FRMPD1: variants seen among roughly 807,000 people sequenced by gnomAD.
FRMPD1 encodes FERM and PDZ domain-containing protein 1.
FRMPD1 carries 76 observed loss-of-function variants against 117.8 expected under a neutral mutation model. That is an observed-to-expected ratio of 0.65 (90% confidence interval 0.54 to 0.78). FRMPD1 has a LOEUF of 0.78. FRMPD1 is among the 30% of genes least tolerant of loss of function. FRMPD1 has a pLI of 0.00. For missense variants in FRMPD1, 1,786 were observed against 1,964.5 expected, an observed-to-expected ratio of 0.91 and a Z score of 1.72; for synonymous variants, 783 against 770.4, an observed-to-expected ratio of 1.02 and a Z score of -0.27.
intron 5 of FRMPD1, among the ~76,000 whole-genome samples, chr9:37,716,709 C>T (rs528899046): frequency 2.4e-4 from 37 of 152,192 alleles, no homozygotes; most frequent in Non-Finnish European, 4.1e-4. Flanking sequence ...GCTTTGACCA[C>T]TCACTTTATC....
At chr9:37,705,770 G>C (rs1392433541) in intron 2 of FRMPD1, among the ~76,000 whole-genome samples, 1 of 151,976 alleles carries the variant, frequency 6.6e-6, no homozygotes, top group Non-Finnish European at 1.5e-5. Flanking sequence ...GAGCTCAGAA[G>C]ATTGAGACCA....
chr9:37,678,250 A>ATTTTTTTTTTT (rs1821597719), intron 1 of FRMPD1, among the ~76,000 whole-genome samples: 1 of 70,140 alleles, frequency 1.4e-5, no homozygotes, highest in African/African-American at 6.1e-5. Context: ...AGTACTTACC[A>ATTTTTTTTTTT]CTTTTTTTTT....
intron 1 of FRMPD1, among the ~76,000 whole-genome samples, chr9:37,664,718 C>T (rs1485214808): frequency 6.6e-6 from 1 of 152,116 alleles, no homozygotes; most frequent in Non-Finnish European, 1.5e-5. Flanking sequence ...AAAAACCTGA[C>T]TCTGGAATAA....
the FRMPD1 span, among the ~76,000 whole-genome samples, chr9:37,626,259 G>A: frequency 3.2e-3 from 493 of 152,188 alleles, no homozygotes; most frequent in Non-Finnish European, 5.4e-3. Flanking sequence ...AACCCCAGAG[G>A]CGGAGGCTGC....
chr9:37,740,637 C>G lies in FRMPD1; in HGVS notation c.2109C>G (p.His703Gln). 1 of 1,614,072 alleles carries G rather than the reference C, an allele frequency of 6.2e-7. No homozygotes were observed. The highest frequency in any genetic ancestry group is 8.5e-7 in the Non-Finnish European group (1 of 1,179,924). Residue 703 changes from histidine to glutamine, a missense_variant, in exon 15 of 16, where the codon CAC becomes CAG. Physicochemically the swap from His to Gln is conservative, Grantham distance 24. Coordinates refer to ENST00000377765, the MANE Select transcript of FRMPD1 (RefSeq NM_014907.3). The surrounding 1 kb of genome is among the most constrained non-coding windows in gnomAD (Gnocchi z 4.2). The stretch of plus-strand genomic sequence containing the variant: ...ACCCCAGGCTGTATGAAGGCAGCCA[C>G]GCTGACTACTACAGCCTGTGTTCCA... Reference protein sequence around the residue: ...RLDPRLYEGSHADYYSLCSSV... With the variant: ...RLDPRLYEGSQADYYSLCSSV...
chr9:37,675,285 G>A (rs1821486443), intron 1 of FRMPD1, among the ~76,000 whole-genome samples: 1 of 152,068 alleles, frequency 6.6e-6, no homozygotes, highest in African/African-American at 2.4e-5. Flanking sequence ...GAATCGGAGT[G>A]GTGGCGCACA....
intron 7 of FRMPD1, among the ~76,000 whole-genome samples, chr9:37,725,017 G>T (rs1248796333): frequency 6.6e-6 from 1 of 152,210 alleles, no homozygotes; most frequent in East Asian, 1.9e-4. Flanking sequence ...GGCCAGTAGG[G>T]ACAGGGCAGT....
Position 37,737,057 on chromosome 9 carries a change from G to A in FRMPD1, c.1402-39G>A, listed in dbSNP as rs200592314. On this transcript the variant is annotated intron_variant, in intron 13 of 15. Coordinates refer to ENST00000377765, the MANE Select transcript of FRMPD1 (RefSeq NM_014907.3). Reference sequence around the variant, plus strand: ...GTTGTCAGTCTTCAGACTGTCCCTTGGTCCTTGATAAACATGAGATTTCTA... The same window carrying A: ...GTTGTCAGTCTTCAGACTGTCCCTTAGTCCTTGATAAACATGAGATTTCTA... 4.5e-4 allele frequency: 701 copies of A among 1,561,190 alleles called. 1 individual carries two copies. The African/African-American group carries it at 8.0e-3, about 18-fold the overall frequency.
intron 2 of FRMPD1, among the ~76,000 whole-genome samples, chr9:37,706,215 G>A (rs1822700165): frequency 1.3e-5 from 2 of 152,050 alleles, no homozygotes; most frequent in Non-Finnish European, 1.5e-5. Context: ...GGGCCTGGGG[G>A]GGATCCTTGG....
At chr9:37,606,304 G>A in the FRMPD1 span, among the ~76,000 whole-genome samples, 2 of 152,196 alleles carry the variant, frequency 1.3e-5, no homozygotes, top group African/African-American at 4.8e-5. Context: ...ACCATCTATT[G>A]GATCAAGCCT....
At chr9:37,618,078 T>C in the FRMPD1 span, among the ~76,000 whole-genome samples, 2 of 152,128 alleles carry the variant, frequency 1.3e-5, no homozygotes, top group Non-Finnish European at 2.9e-5. Context: ...CCAATTAAAA[T>C]GGTGCATGAG....
the FRMPD1 span, among the ~76,000 whole-genome samples, chr9:37,624,920 C>A: frequency 6.6e-6 from 1 of 152,190 alleles, no homozygotes; most frequent in Non-Finnish European, 1.5e-5. Context: ...GTCTTTCCAT[C>A]GGTTTTCTTA....
In FRMPD1 at chr9:37,688,341, T is replaced by A. The variant is rs952114002; in HGVS notation, c.-4-4297T>A. On this transcript the variant is annotated intron_variant, in intron 1 of 15. Coordinates refer to ENST00000377765, the MANE Select transcript of FRMPD1 (RefSeq NM_014907.3). ...TTTTATAAGAATATGGAGGATAATT[T>A]ACTTTTGTCTTCTGTATTTTTCAAA... 1.6e-4 allele frequency among the ~76,000 whole-genome samples: 24 copies of A among 151,858 alleles called. 2 individuals are homozygous for A.
chr9:37,723,162 C>T (rs1267216123), intron 6 of FRMPD1, among the ~76,000 whole-genome samples: 2 of 152,166 alleles, frequency 1.3e-5, no homozygotes, highest in East Asian at 3.9e-4. Flanking sequence ...GAGAGGCTTC[C>T]CTACCCTCTC....
chr9:37,700,595 A>G (rs1222954358), intron 2 of FRMPD1, among the ~76,000 whole-genome samples: 3 of 152,276 alleles, frequency 2.0e-5, no homozygotes. Context: ...ATAAAAAGCC[A>G]GAGAATATGT....
rs769755088 is a variant in FRMPD1, at chr9:37,745,749, A to G, written c.3717A>G (p.Ile1239Met). 3 of 1,614,174 alleles carry G rather than the reference A, an allele frequency of 1.9e-6. No homozygotes were observed. Among genetic ancestry groups the G allele is most frequent in the South Asian group, 1.1e-5 (1 of 91,092 alleles). Reference protein sequence around the residue: ...EAPNHVTGQDIAPRDSPEWVC... With the variant: ...EAPNHVTGQDMAPRDSPEWVC... The stretch of plus-strand genomic sequence containing the variant: ...CTAACCATGTGACAGGGCAAGATAT[A>G]GCCCCTAGGGACAGCCCTGAGTGGG... The change falls in exon 16 of 16, where the codon ATA becomes ATG. Residue 1239 changes from isoleucine to methionine, a missense_variant. By Grantham distance (10) the Ile-to-Met change is conservative. Coordinates refer to ENST00000377765, the MANE Select transcript of FRMPD1 (RefSeq NM_014907.3).
intron 5 of FRMPD1, among the ~76,000 whole-genome samples, chr9:37,716,690 G>A (rs1428310919): frequency 6.6e-6 from 1 of 152,130 alleles, no homozygotes; most frequent in African/African-American, 2.4e-5. Flanking sequence ...GTTGGTGGTT[G>A]TACCTGTTGC....
At chr9:37,678,156 G>A (rs1821593177) in intron 1 of FRMPD1, among the ~76,000 whole-genome samples, 1 of 151,742 alleles carries the variant, frequency 6.6e-6, no homozygotes, top group Non-Finnish European at 1.5e-5. Context: ...ATATGTGTGG[G>A]AGATCTCAGA....
In FRMPD1 at chr9:37,659,160, C is replaced by A. The variant is rs1315035093; in HGVS notation, c.-5+8066C>A. Among the ~76,000 whole-genome samples, 3 of 152,210 alleles carry A rather than the reference C, an allele frequency of 2.0e-5. No individual in the cohort carries two copies. The South Asian group carries it at 6.2e-4, about 32-fold the overall frequency. ...GGATGACGGGTGTGAGCTACTACAT[C>A]CAGCCAAGACTTGGATATCTTTTTA... On this transcript the variant is annotated intron_variant, in intron 1 of 15. Transcript: ENST00000377765.
Sources: allele counts gnomAD v4.1 joint callset (sites outside exome capture counted in the v4.1 genomes callset), GRCh38; gene constraint gnomAD v4.1.1; non-coding constraint Gnocchi (gnomAD v3.1); transcripts MANE v1.5; gene names NCBI Gene and HGNC (gene_info 2026-07-23, HGNC 2026-07-21).